NRG1: variants seen among roughly 807,000 people sequenced by gnomAD.
The protein encoded by NRG1 is neuregulin 1, also known as pro-neuregulin-1, membrane-bound isoform.
A neutral mutation model predicts 63.8 loss-of-function variants in NRG1; 18 were observed. The observed-to-expected ratio is 0.28, with a 90% CI of 0.19 to 0.42. The LOEUF (loss-of-function observed/expected upper bound fraction) is 0.42, where lower values mean the gene tolerates loss of function less well. Ranked by LOEUF, NRG1 falls within the 10% of genes least tolerant of loss-of-function variation. The pLI, the probability that NRG1 is intolerant of heterozygous loss-of-function variation, is 1.00. For missense variants in NRG1, 762 were observed against 814.7 expected, an observed-to-expected ratio of 0.94 and a Z score of 0.79; for synonymous variants, 302 against 301.3, an observed-to-expected ratio of 1.00 and a Z score of -0.02.
chr8:32,335,271 T>A (rs1366900941), intron 1 of NRG1, among the ~76,000 whole-genome samples: 1 of 152,220 alleles, frequency 6.6e-6, no homozygotes, highest in Admixed American at 6.5e-5. Context: ...ACATGGTGCA[T>A]GCGAATTTTC....
At chr8:32,060,780 A>G (rs1415402339) in intron 1 of NRG1, among the ~76,000 whole-genome samples, 1 of 151,724 alleles carries the variant, frequency 6.6e-6, no homozygotes, top group Non-Finnish European at 1.5e-5. Flanking sequence ...TTTCTGCCAA[A>G]TCTCCCACCA....
At chr8:32,279,907 G>A (rs1852519908) in intron 1 of NRG1, among the ~76,000 whole-genome samples, 1 of 152,174 alleles carries the variant, frequency 6.6e-6, no homozygotes, top group African/African-American at 2.4e-5. Context: ...CAGGCACGTA[G>A]GTAGCTGGCA....
intron 1 of NRG1, among the ~76,000 whole-genome samples, chr8:31,854,485 A>G (rs947547813): frequency 6.6e-6 from 1 of 151,138 alleles, no homozygotes; most frequent in Non-Finnish European, 1.5e-5. Flanking sequence ...TATTGTGTCT[A>G]TTTGATTCTT....
At chr8:32,332,937 G>A (rs1391834018) in intron 1 of NRG1, among the ~76,000 whole-genome samples, 2 of 152,108 alleles carry the variant, frequency 1.3e-5, no homozygotes, top group African/African-American at 2.4e-5. Context: ...TCTGAAGAAA[G>A]GAAAGGTTAC....
intron 1 of NRG1, among the ~76,000 whole-genome samples, chr8:32,509,099 A>T (rs1257187747): frequency 8.4e-5 from 10 of 119,424 alleles, no homozygotes; most frequent in Non-Finnish European, 1.1e-4. Context: ...TTTATTTTAT[A>T]TTTTATTTTA....
At chr8:32,696,016 G>T (rs1214444617) in intron 5 of NRG1, among the ~76,000 whole-genome samples, 3 of 152,138 alleles carry the variant, frequency 2.0e-5, no homozygotes. Flanking sequence ...GAATGCCTTG[G>T]CCTCCCTTCC....
intron 2 of NRG1, among the ~76,000 whole-genome samples, chr8:32,604,003 C>T (rs761795872): frequency 6.6e-6 from 1 of 152,150 alleles, no homozygotes; most frequent in Non-Finnish European, 1.5e-5. Flanking sequence ...ATGTATGCTC[C>T]ACGAGACTAG....
At chr8:32,658,959 A>G (rs541497144) in intron 5 of NRG1, among the ~76,000 whole-genome samples, 13 of 152,276 alleles carry the variant, frequency 8.5e-5, no homozygotes, top group African/African-American at 2.9e-4. Context: ...GTTCTGGATC[A>G]ACAGAGTTCA....
intron 2 of NRG1, among the ~76,000 whole-genome samples, chr8:32,601,112 T>G (rs1312791969): frequency 6.6e-6 from 1 of 152,172 alleles, no homozygotes; most frequent in African/African-American, 2.4e-5. Context: ...ATCCCATAGT[T>G]AAATGTATCA....
At chr8:31,657,374 C>T (rs921479635) in intron 1 of NRG1, among the ~76,000 whole-genome samples, 4 of 152,180 alleles carry the variant, frequency 2.6e-5, no homozygotes, top group African/African-American at 4.8e-5. Context: ...CTGCGGGCTC[C>T]TCCCTCTAGT....
At chr8:31,911,971 G>C (rs997959451) in intron 1 of NRG1, among the ~76,000 whole-genome samples, 2 of 152,092 alleles carry the variant, frequency 1.3e-5, no homozygotes, top group African/African-American at 4.8e-5. Flanking sequence ...ATTGGTTATT[G>C]GTTGCTTAAA....
chr8:31,848,854 T>A (rs1358608822), intron 1 of NRG1, among the ~76,000 whole-genome samples: 1 of 152,156 alleles, frequency 6.6e-6, no homozygotes, highest in Non-Finnish European at 1.5e-5. Flanking sequence ...AGTTGTACAA[T>A]CACTTCATTA....
chr8:31,776,869 C>G (rs1586332226), intron 1 of NRG1, among the ~76,000 whole-genome samples: 1 of 152,116 alleles, frequency 6.6e-6, no homozygotes, highest in Non-Finnish European at 1.5e-5. Flanking sequence ...GACATGAACT[C>G]ATCATTTTTT....
intron 1 of NRG1, among the ~76,000 whole-genome samples, chr8:32,143,095 A>G (rs1029359502): frequency 3.3e-5 from 5 of 152,194 alleles, no homozygotes; most frequent in Admixed American, 2.6e-4. Context: ...GCTGAAGTCA[A>G]CTGTTGGTCC....
chr8:32,515,592 GC>G (rs1377355377), intron 1 of NRG1, among the ~76,000 whole-genome samples: 1 of 151,820 alleles, frequency 6.6e-6, no homozygotes, highest in Admixed American at 6.6e-5. Context: ...ACATATGTGT[GC>G]CAACACACCC....
At chr8:31,897,105 A>G (rs1051277705) in intron 1 of NRG1, among the ~76,000 whole-genome samples, 2 of 152,152 alleles carry the variant, frequency 1.3e-5, no homozygotes, top group African/African-American at 2.4e-5. Flanking sequence ...GCAAACTGGA[A>G]GAGGAAAACT....
intron 1 of NRG1, among the ~76,000 whole-genome samples, chr8:31,899,091 A>G (rs373404715): frequency 1.4e-5 from 2 of 143,958 alleles, no homozygotes; most frequent in African/African-American, 5.1e-5. Flanking sequence ...AAAATATATT[A>G]AAAAATTTTT....
intron 1 of NRG1, among the ~76,000 whole-genome samples, chr8:31,743,699 G>T (rs1285225403): frequency 6.6e-6 from 1 of 151,894 alleles, no homozygotes; most frequent in Admixed American, 6.6e-5. Context: ...AGGGTCTGTG[G>T]CTTGAACATG....
At chr8:32,657,279 A>G (rs545307332) in intron 5 of NRG1, among the ~76,000 whole-genome samples, 1 of 150,532 alleles carries the variant, frequency 6.6e-6, no homozygotes, top group African/African-American at 2.5e-5. Flanking sequence ...TCCCCCGTTT[A>G]CCTTCCTTTT....
Sources: gnomAD v4.1 joint callset for allele counts (sites outside exome capture counted in the v4.1 genomes callset) on GRCh38, gnomAD v4.1.1 for gene constraint, MANE v1.5 for transcripts, NCBI Gene and HGNC (gene_info 2026-07-23, HGNC 2026-07-21) for gene names.